Variants in DSE observed in about 807,000 individuals in gnomAD.
The protein encoded by DSE is dermatan-sulfate epimerase.
A neutral mutation model predicts 84.4 loss-of-function variants in DSE; 36 were observed. The ratio of observed to expected loss-of-function variants is 0.43; its 90% CI spans 0.33 to 0.56. DSE has a LOEUF of 0.56. Among genes scored for constraint, DSE ranks in the 20% least tolerant of loss-of-function variants. DSE has a pLI of 0.06. For synonymous variants in DSE, 410 were observed against 430.1 expected, an observed-to-expected ratio of 0.95 and a Z score of 0.58; for missense variants, 862 against 1,169.6, an observed-to-expected ratio of 0.74 and a Z score of 3.84.
At chr6:116,428,565 G>A (rs1339920430) in intron 3 of DSE, among the ~76,000 whole-genome samples, 1 of 152,058 alleles carries the variant, frequency 6.6e-6, no homozygotes. Flanking sequence ...TAAAGTTATG[G>A]TGGCCCTGGC....
intron 1 of DSE, among the ~76,000 whole-genome samples, chr6:116,395,988 A>C (rs750958606): frequency 6.6e-6 from 1 of 152,218 alleles, no homozygotes; most frequent in Non-Finnish European, 1.5e-5. Flanking sequence ...TTTAGGCTAC[A>C]TAAGTTTCTA....
In DSE at chr6:116,257,963, T is replaced by G. The variant is rs550387152; in HGVS notation, c.-575-483T>G. Among the ~76,000 whole-genome samples the G allele has an allele frequency of 2.7e-4, 41 of 152,314 alleles. No homozygotes were observed. In the South Asian group the frequency reaches 8.5e-3, roughly 32 times the overall value. ...CTAAAGAGAAACAAGAATTCATGAT[T>G]CTGTGTTTCAATGCCTTAACAGTTC... On this transcript the variant is annotated intron_variant, in intron 1 of 3. Transcript: ENST00000430252.
chr6:116,408,460 A>G (rs567367050), intron 2 of DSE, among the ~76,000 whole-genome samples: 190 of 152,336 alleles, frequency 1.2e-3, no homozygotes, highest in Non-Finnish European at 1.3e-4. Context: ...TGGATGGATG[A>G]ATGAATGAAT....
intron 2 of DSE, among the ~76,000 whole-genome samples, chr6:116,292,828 T>C (rs994353351): frequency 1.3e-5 from 2 of 152,210 alleles, no homozygotes; most frequent in African/African-American, 4.8e-5. Context: ...TAGAAAGATG[T>C]AAAAGAACAT....
intron 2 of DSE, among the ~76,000 whole-genome samples, chr6:116,290,485 C>T (rs1774211841): frequency 1.3e-5 from 2 of 152,092 alleles, no homozygotes; most frequent in South Asian, 4.1e-4. Flanking sequence ...CCTGCTACTG[C>T]TGATATTTCT....
chr6:116,342,567 C>A (rs766455585), intron 2 of DSE, among the ~76,000 whole-genome samples: 1 of 152,226 alleles, frequency 6.6e-6, no homozygotes, highest in Non-Finnish European at 1.5e-5. Flanking sequence ...GCATGAGCCA[C>A]CGCACCTGGC....
rs1435793707 is a variant in DSE at position 116,397,556 on chromosome 6, A to C, written c.-53-1642A>C. On this transcript the variant is annotated intron_variant, in intron 1 of 5. Coordinates refer to ENST00000644252, the MANE Select transcript of DSE (RefSeq NM_013352.4). ...AAGGAATAAGCCCCTGGGGGGACTG[A>C]GCATTACCTCAGACCCAGCCATTTC... Among the ~76,000 whole-genome samples the C allele has an allele frequency of 2.6e-5, 4 of 152,208 alleles. No homozygotes were observed. The East Asian group carries it at 7.7e-4, about 29-fold the overall frequency.
At chr6:116,398,405 A>C (rs1781386264) in intron 1 of DSE, among the ~76,000 whole-genome samples, 1 of 152,262 alleles carries the variant, frequency 6.6e-6, no homozygotes, top group Non-Finnish European at 1.5e-5. Flanking sequence ...TGACACCAAA[A>C]TCCCATATGC....
At chr6:116,338,627 G>A (rs568598130) in intron 2 of DSE, among the ~76,000 whole-genome samples, 36 of 152,260 alleles carry the variant, frequency 2.4e-4, no homozygotes, top group African/African-American at 7.5e-4. Flanking sequence ...TGGCTTAGGC[G>A]CAGAGAGAGT....
intron 2 of DSE, among the ~76,000 whole-genome samples, chr6:116,408,556 C>T (rs1212100671): frequency 2.0e-5 from 3 of 152,064 alleles, no homozygotes; most frequent in Non-Finnish European, 4.4e-5. Flanking sequence ...GATTTGGTGC[C>T]CTGCGTACTG....
At chr6:116,325,014 G>T (rs1363185182) in intron 2 of DSE, among the ~76,000 whole-genome samples, 1 of 152,206 alleles carries the variant, frequency 6.6e-6, no homozygotes. Flanking sequence ...CCACTCTGGG[G>T]TTAGGTGTGT....
At chr6:116,318,010 A>G (rs1476636221) in intron 2 of DSE, among the ~76,000 whole-genome samples, 1 of 152,210 alleles carries the variant, frequency 6.6e-6, no homozygotes, top group African/African-American at 2.4e-5. Flanking sequence ...TAAACCTCAA[A>G]TAGTATAAAA....
At chr6:116,369,582 A>G (rs1393746055), upstream of DSE, among the ~76,000 whole-genome samples, 2 of 152,238 alleles carry the variant, frequency 1.3e-5, no homozygotes, top group African/African-American at 4.8e-5. Context: ...TAGTAAAAGC[A>G]AAGTTTGGAT....
intron 2 of DSE, among the ~76,000 whole-genome samples, chr6:116,401,923 T>TAA (rs35815516): frequency 0.013 from 1,889 of 148,102 alleles, 37 homozygotes; most frequent in African/African-American, 0.041. Context: ...ATTATGAAAG[T>TAA]AAAAAAAAAA....
intron 2 of DSE, among the ~76,000 whole-genome samples, chr6:116,304,072 G>C (rs565847003): frequency 6.6e-6 from 1 of 151,044 alleles, no homozygotes; most frequent in Non-Finnish European, 1.5e-5. Flanking sequence ...GCAGTGAACC[G>C]AGGTTGCACC....
At chr6:116,284,061 C>A (rs932497650) in intron 2 of DSE, among the ~76,000 whole-genome samples, 5 of 152,052 alleles carry the variant, frequency 3.3e-5, no homozygotes. Flanking sequence ...TTCACTACCC[C>A]CAAAGATAGT....
intron 2 of DSE, among the ~76,000 whole-genome samples, chr6:116,261,843 A>G (rs566565005): frequency 1.3e-5 from 2 of 152,216 alleles, no homozygotes. Context: ...TTCTGCATCT[A>G]TTGATATAAT....
chr6:116,346,910 A>G (rs1253606691), intron 2 of DSE, among the ~76,000 whole-genome samples: 2 of 152,246 alleles, frequency 1.3e-5, no homozygotes, highest in African/African-American at 2.4e-5. Flanking sequence ...CTGATAAGCA[A>G]CTTCAGCAGA....
chr6:116,277,150 A>G (rs982416265), intron 2 of DSE: 36 of 152,620 alleles, frequency 2.4e-4, no homozygotes, highest in African/African-American at 8.4e-4. Flanking sequence ...AATCAGAAAA[A>G]AAAATTTTAC....
Sources: gnomAD v4.1 joint callset for allele counts (sites outside exome capture counted in the v4.1 genomes callset) on GRCh38, gnomAD v4.1.1 for gene constraint, MANE v1.5 for transcripts, NCBI Gene and HGNC (gene_info 2026-07-23, HGNC 2026-07-21) for gene names.